Variants in IGSF10 observed in about 807,000 individuals in gnomAD.
IGSF10 encodes the protein calvaria mechanical force protein 608.
A neutral mutation model predicts 128.2 loss-of-function variants in IGSF10; 126 were observed. The observed-to-expected ratio is 0.98, with a 90% CI of 0.85 to 1.14. The LOEUF is 1.14. IGSF10 is among the 50% of genes most tolerant of loss of function. The pLI, the probability that IGSF10 is intolerant of heterozygous loss-of-function variation, is 0.00. For synonymous variants in IGSF10, 1,185 were observed against 1,146.2 expected, an observed-to-expected ratio of 1.03 and a Z score of -0.68; for missense variants, 3,295 against 3,149.8, an observed-to-expected ratio of 1.05 and a Z score of -1.10.
the IGSF10 span, among the ~76,000 whole-genome samples, chr3:151,470,134 C>T: frequency 6.6e-6 from 1 of 152,192 alleles, no homozygotes; most frequent in Non-Finnish European, 1.5e-5. Flanking sequence ...TGCATCAAGA[C>T]TTAATGACAC....
chr3:151,461,850 C>T (rs963382701), upstream of IGSF10, among the ~76,000 whole-genome samples: 2 of 152,144 alleles, frequency 1.3e-5, no homozygotes, highest in African/African-American at 2.4e-5. Flanking sequence ...TGGTTTCTGG[C>T]TTATTTCACT....
the IGSF10 span, among the ~76,000 whole-genome samples, chr3:151,575,772 A>G: frequency 6.6e-6 from 1 of 152,168 alleles, no homozygotes; most frequent in Non-Finnish European, 1.5e-5. Flanking sequence ...CAGGTACCTC[A>G]GTTGGAAATG....
rs1303805124 is a variant in IGSF10, at chr3:151,446,602, T to C, written c.3379A>G (p.Lys1127Glu). Reference protein sequence around the residue: ...PSVEKTTPTIKYFRTEISQVT... With the variant: ...PSVEKTTPTIEYFRTEISQVT... ...TGGGAAATTTCAGTCCTGAAATATT[T>C]TATTGTGGGTGTTGTTTTCTCTACA... The change falls in exon 6 of 8, where the codon AAA becomes GAA. Residue 1127 changes from lysine (K) to glutamate (E), a missense_variant. Coordinates refer to ENST00000282466, the MANE Select transcript of IGSF10 (RefSeq NM_178822.5). 7 of 1,614,030 alleles carry C rather than the reference T, an allele frequency of 4.3e-6. No individual in the cohort carries two copies. The African/African-American group carries it at 8.0e-5, about 18-fold the overall frequency.
Position 151,438,458 on chromosome 3 carries a change from G to A in IGSF10, c.6103C>T (p.Leu2035=), listed in dbSNP as rs1447043979. Residue 2035 remains leucine (L), a synonymous_variant, in exon 8 of 8, where the codon CTG becomes TTG. Transcript: ENST00000282466. The part of the protein sequence containing the change: ...DLILMHVSLR[L]KPAKIDHKQY... ...TTGTGGTCAATTTTGGCAGGTTTCA[G>A]TCTTAGGCTAACATGCATCAGTATC... is the stretch of plus-strand genomic sequence containing the variant. The A allele has an allele frequency of 9.9e-6, 16 of 1,614,010 alleles. No homozygotes were observed. The highest frequency in any genetic ancestry group is 1.2e-5 in the Non-Finnish European group (14 of 1,180,030).
At chr3:151,554,599 G>A in the IGSF10 span, among the ~76,000 whole-genome samples, 1 of 152,100 alleles carries the variant, frequency 6.6e-6, no homozygotes, top group African/African-American at 2.4e-5. Context: ...TATTGCATCT[G>A]AAGTGGTTAT....
intron 6 of IGSF10, among the ~76,000 whole-genome samples, chr3:151,444,687 C>T (rs1484447747): frequency 2.0e-5 from 3 of 152,120 alleles, no homozygotes; most frequent in African/African-American, 7.2e-5. Flanking sequence ...TTTTTCAAAT[C>T]ATATTACTTT....
the IGSF10 span, among the ~76,000 whole-genome samples, chr3:151,502,971 G>A: frequency 6.6e-6 from 1 of 151,964 alleles, no homozygotes; most frequent in Non-Finnish European, 1.5e-5. Context: ...TGAAGTAGAA[G>A]GCTAATAGCA....
At chr3:151,453,844 A>G in intron 4 of IGSF10, 70 bp from the exon 5 acceptor site, 1 of 919,278 alleles carries the variant, frequency 1.1e-6, no homozygotes, top group Non-Finnish European at 1.7e-6. Flanking sequence ...AGTCCTATCA[A>G]TAACAAAACT....
At chr3:151,487,731 C>T in the IGSF10 span, among the ~76,000 whole-genome samples, 4 of 152,114 alleles carry the variant, frequency 2.6e-5, no homozygotes, top group Admixed American at 6.6e-5. Flanking sequence ...TGACAAAAAC[C>T]ACATGATTAT....
Position 151,453,459 on chromosome 3 carries a change from G to A in IGSF10, c.640C>T (p.Leu214Phe). 6.2e-7 allele frequency: 1 copy of A among 1,613,972 alleles called. No individual in the cohort carries two copies. Residue 214 changes from leucine to phenylalanine, a missense_variant, in exon 5 of 8, where the codon CTT becomes TTT. Transcript: ENST00000282466. Reference protein sequence around the residue: ...MVSYMPDLDSLYLHGNPWTCD... With the variant: ...MVSYMPDLDSFYLHGNPWTCD... The stretch of plus-strand genomic sequence containing the variant: ...GTCCATGGGTTTCCATGCAGGTAAA[G>A]GCTGTCTAGGTCAGGCATATAGGAG...
the IGSF10 span, among the ~76,000 whole-genome samples, chr3:151,487,823 C>T: frequency 1.3e-5 from 2 of 152,168 alleles, no homozygotes; most frequent in African/African-American, 2.4e-5. Context: ...ATTGATGGAA[C>T]GTGTCTCAAA....
At chr3:151,493,186 G>T in the IGSF10 span, among the ~76,000 whole-genome samples, 26 of 152,106 alleles carry the variant, frequency 1.7e-4, no homozygotes, top group African/African-American at 6.3e-4. Context: ...ATACAAAGTA[G>T]CAGATATGTA....
the IGSF10 span, among the ~76,000 whole-genome samples, chr3:151,589,328 G>A: frequency 1.3e-5 from 2 of 152,180 alleles, no homozygotes; most frequent in Non-Finnish European, 2.9e-5. Context: ...TTCTGAGAGC[G>A]GCAATGAAGT....
rs138756085 is a variant in IGSF10 at position 151,453,632 on chromosome 3, C to T, written c.467G>A (p.Arg156His). 1.8e-4 allele frequency: 290 copies of T among 1,613,862 alleles called. No homozygotes were observed. The highest frequency in any genetic ancestry group is 6.7e-5 in the Non-Finnish European group (79 of 1,179,922). ...PEVFYGLNFL[R>H]LVHLEGNQLT... ...CTGATTTCCTTCCAAGTGCACCAGG[C>T]GGAGAAAGTTGAGCCCATAAAAAAC... The change falls in exon 5 of 8, where the codon CGC (arginine) becomes CAC (histidine). Residue 156 changes from arginine to histidine, a missense_variant. Coordinates refer to ENST00000282466, the MANE Select transcript of IGSF10 (RefSeq NM_178822.5).
chr3:151,434,037 A>T (rs1433701356), downstream of IGSF10: 1 of 152,532 alleles, frequency 6.6e-6, no homozygotes, highest in Non-Finnish European at 1.5e-5. Context: ...TCTATATAAT[A>T]TTTTTTTAGA....
At chr3:151,470,180 A>G in the IGSF10 span, among the ~76,000 whole-genome samples, 6 of 152,198 alleles carry the variant, frequency 3.9e-5, no homozygotes, top group Non-Finnish European at 8.8e-5. Flanking sequence ...CATTCAGTAC[A>G]TAGATGAATA....
chr3:151,554,878 T>C, the IGSF10 span, among the ~76,000 whole-genome samples: 1 of 152,296 alleles, frequency 6.6e-6, no homozygotes, highest in East Asian at 1.9e-4. Context: ...TTCGAGGCTA[T>C]CCAGAGATCT....
chr3:151,583,675 T>C, the IGSF10 span, among the ~76,000 whole-genome samples: 37 of 152,348 alleles, frequency 2.4e-4, 1 homozygote, highest in African/African-American at 8.9e-4. Flanking sequence ...CGTATACATA[T>C]GTAACAAACC....
At chr3:151,591,002 G>C in the IGSF10 span, among the ~76,000 whole-genome samples, 1 of 152,112 alleles carries the variant, frequency 6.6e-6, no homozygotes, top group Non-Finnish European at 1.5e-5. Flanking sequence ...GGATTAGAGA[G>C]AGGAGTGAAC....
Sources: gnomAD v4.1 joint callset for allele counts (sites outside exome capture counted in the v4.1 genomes callset) on GRCh38, gnomAD v4.1.1 for gene constraint, MANE v1.5 for transcripts, NCBI Gene and HGNC (gene_info 2026-07-23, HGNC 2026-07-21) for gene names.